The following MTUS2 variants were observed in gnomAD, a reference collection of about 807,000 sequenced individuals.
The protein encoded by MTUS2 is microtubule associated scaffold protein 2.
Under a neutral mutation model 114.1 loss-of-function variants are expected in MTUS2, and 40 were observed. The ratio of observed to expected loss-of-function variants is 0.35; its 90% CI spans 0.27 to 0.46. MTUS2 has a LOEUF of 0.46. Among genes scored for constraint, MTUS2 ranks in the 20% least tolerant of loss-of-function variants. The pLI is 1.00. For missense variants in MTUS2, 1,679 were observed against 1,705.4 expected (o/e 0.98, Z 0.27); for synonymous variants, 688 against 672.0 (o/e 1.02, Z -0.37).
intron 3 of MTUS2, among the ~76,000 whole-genome samples, chr13:29,033,484 C>T (rs961522383): frequency 7.9e-5 from 12 of 152,112 alleles, no homozygotes; most frequent in Admixed American, 2.6e-4. Context: ...TATCATACAA[C>T]TTACAGCTTT....
intron 4 of MTUS2, among the ~76,000 whole-genome samples, chr13:29,057,787 C>T (rs1447226373): frequency 1.3e-5 from 2 of 151,992 alleles, no homozygotes; most frequent in East Asian, 3.9e-4. Flanking sequence ...AGGCTTTTAG[C>T]CCATTTACCT....
chr13:29,228,304 T>C (rs576017986), intron 5 of MTUS2, among the ~76,000 whole-genome samples: 1 of 152,112 alleles, frequency 6.6e-6, no homozygotes, highest in Non-Finnish European at 1.5e-5. Flanking sequence ...TAAAGTAAAA[T>C]GCAAGAAAGT....
chr13:28,827,861 C>A (rs1029249893), intron 1 of MTUS2, among the ~76,000 whole-genome samples: 1 of 152,174 alleles, frequency 6.6e-6, no homozygotes, highest in Non-Finnish European at 1.5e-5. Context: ...TAAAATATCA[C>A]ATGGCAAATG....
chr13:29,302,061 G>A (rs907407963), intron 6 of MTUS2, among the ~76,000 whole-genome samples: 2 of 152,166 alleles, frequency 1.3e-5, no homozygotes, highest in South Asian at 2.1e-4. Flanking sequence ...ATTGGATTTC[G>A]GGGATGGATC....
chr13:29,112,167 C>T (rs1890907752), intron 5 of MTUS2, among the ~76,000 whole-genome samples: 1 of 152,146 alleles, frequency 6.6e-6, no homozygotes, highest in South Asian at 2.1e-4. Flanking sequence ...TTGTGACTGA[C>T]ATCATTGAGG....
chr13:29,466,876 C>CAAAAAAAAAA (rs11296600), intron 9 of MTUS2, among the ~76,000 whole-genome samples: 12 of 87,598 alleles, frequency 1.4e-4, no homozygotes, highest in Non-Finnish European at 1.8e-4. Flanking sequence ...GACCTCATCT[C>CAAAAAAAAAA]AAAAAAAAAA....
intron 2 of MTUS2, among the ~76,000 whole-genome samples, chr13:28,931,939 C>T (rs1270241856): frequency 1.3e-5 from 2 of 152,114 alleles, no homozygotes; most frequent in South Asian, 2.1e-4. Flanking sequence ...TCAACCTACA[C>T]ACATCTTCCC....
At chr13:29,416,810 C>A (rs571701022) in intron 8 of MTUS2, among the ~76,000 whole-genome samples, 2 of 148,224 alleles carry the variant, frequency 1.3e-5, no homozygotes, top group Non-Finnish European at 3.0e-5. Context: ...AATTAAGTGA[C>A]CTTTTTGCCT....
intron 6 of MTUS2, among the ~76,000 whole-genome samples, chr13:29,283,982 C>G (rs567304289): frequency 6.6e-6 from 1 of 152,230 alleles, no homozygotes; most frequent in East Asian, 1.9e-4. Context: ...TAAAATGGTA[C>G]AAAGAGGAAG....
At position 29,158,193 on chromosome 13, in the gene MTUS2, T is replaced by C. The variant is rs532786029; in HGVS notation, c.2644+57223T>C. ...TTCTGGGATTTTGAGCACTTTGATT[T>C]CTGGAAGGAATGCCCTAAGAATAGA... On this transcript the variant is annotated intron_variant, in intron 5 of 15. Transcript: ENST00000612955. Among the ~76,000 whole-genome samples, 25 of 152,130 alleles carry C rather than the reference T, an allele frequency of 1.6e-4. 1 individual carries two copies. The highest frequency in any genetic ancestry group is 3.4e-3 in the Middle Eastern group (1 of 294).
At chr13:29,383,008 G>A (rs1170008125) in intron 8 of MTUS2, among the ~76,000 whole-genome samples, 1 of 152,092 alleles carries the variant, frequency 6.6e-6, no homozygotes, top group Non-Finnish European at 1.5e-5. Flanking sequence ...GTGTGGGGAC[G>A]CAGCGAGGTT....
chr13:28,948,247 A>G (rs1882633965), intron 2 of MTUS2, among the ~76,000 whole-genome samples: 1 of 152,112 alleles, frequency 6.6e-6, no homozygotes, highest in Non-Finnish European at 1.5e-5. Context: ...TATTCCTCCA[A>G]GCAAATAATG....
At chr13:28,872,465 T>C (rs1342871751) in intron 2 of MTUS2, among the ~76,000 whole-genome samples, 1 of 152,176 alleles carries the variant, frequency 6.6e-6, no homozygotes, top group Non-Finnish European at 1.5e-5. Context: ...AAGGAATACC[T>C]AAAGCTAGGT....
chr13:29,104,471 C>T (rs1388709833), intron 5 of MTUS2, among the ~76,000 whole-genome samples: 1 of 152,208 alleles, frequency 6.6e-6, no homozygotes, highest in Non-Finnish European at 1.5e-5. Flanking sequence ...TCAGGCTTCC[C>T]AGGTTGTCAG....
chr13:29,325,840 C>T lies in MTUS2; in HGVS notation c.2905+1129C>T, dbSNP rs114392803. 4.6e-3 allele frequency among the ~76,000 whole-genome samples: 706 copies of T among 152,300 alleles called. 6 individuals carry two copies. The highest frequency in any genetic ancestry group is 0.016 in the African/African-American group (660 of 41,562). ...ACATGTGAGGAAAGTGAGGCACAGA[C>T]ATTTCATTAATTTGCCCAAAGTCAC... On this transcript the variant is annotated intron_variant, in intron 7 of 15. Transcript: ENST00000612955.
chr13:29,260,910 C>T (rs1277443148), intron 5 of MTUS2, among the ~76,000 whole-genome samples: 1 of 152,130 alleles, frequency 6.6e-6, no homozygotes, highest in Non-Finnish European at 1.5e-5. Flanking sequence ...GCTGCTGAAC[C>T]TCTTACAATA....
chr13:29,211,841 T>G (rs3011459), intron 5 of MTUS2, among the ~76,000 whole-genome samples: 1 of 149,268 alleles, frequency 6.7e-6, no homozygotes, highest in Non-Finnish European at 1.5e-5. Context: ...TCAAAGGGTC[T>G]GTGGATTCTC....
At chr13:29,350,251 G>A (rs1869112469) in intron 7 of MTUS2, among the ~76,000 whole-genome samples, 1 of 151,594 alleles carries the variant, frequency 6.6e-6, no homozygotes, top group Non-Finnish European at 1.5e-5. Context: ...AAATCAGCTA[G>A]GCTGAGTTCT....
At chr13:29,372,740 T>C (rs965101738) in intron 8 of MTUS2, among the ~76,000 whole-genome samples, 1 of 152,216 alleles carries the variant, frequency 6.6e-6, no homozygotes, top group African/African-American at 2.4e-5. Context: ...CAGATCCATA[T>C]GTATGTTATC....
Sources: allele counts gnomAD v4.1 joint callset (sites outside exome capture counted in the v4.1 genomes callset), GRCh38; gene constraint gnomAD v4.1.1; transcripts MANE v1.5; gene names NCBI Gene and HGNC (gene_info 2026-07-23, HGNC 2026-07-21).